The following C1orf21 variants were observed in gnomAD, a reference collection of about 807,000 sequenced individuals.
C1orf21 encodes the protein chromosome 1 open reading frame 21.
Under a neutral mutation model 18.7 loss-of-function variants are expected in C1orf21, and 3 were observed. The ratio of observed to expected loss-of-function variants is 0.16; its 90% CI spans 0.07 to 0.42. The LOEUF is 0.42. Ranked by LOEUF, C1orf21 falls within the 10% of genes least tolerant of loss-of-function variation. C1orf21 has a pLI of 0.99. For synonymous variants in C1orf21, 41 were observed against 46.4 expected, an observed-to-expected ratio of 0.88 and a Z score of 0.47; for missense variants, 104 against 143.6, an observed-to-expected ratio of 0.72 and a Z score of 1.41.
At chr1:184,491,477 A>G (rs529013092) in intron 2 of C1orf21, among the ~76,000 whole-genome samples, 1 of 151,958 alleles carries the variant, frequency 6.6e-6, no homozygotes, top group South Asian at 2.1e-4. Context: ...AGCCTCCTAA[A>G]TAGCTGGGAC....
chr1:184,578,013 G>A (rs2101993118), intron 3 of C1orf21, among the ~76,000 whole-genome samples: 1 of 146,316 alleles, frequency 6.8e-6, no homozygotes, highest in African/African-American at 2.6e-5. Context: ...GAGTGCAGTG[G>A]CGCCGCCATC....
intron 1 of C1orf21, among the ~76,000 whole-genome samples, chr1:184,447,977 C>T (rs2101978078): frequency 6.6e-6 from 1 of 152,322 alleles, no homozygotes; most frequent in South Asian, 2.1e-4. Flanking sequence ...TGTCAAGTCT[C>T]CTAGACTTTG....
intron 5 of C1orf21, 57 bp from the exon 6 acceptor site, chr1:184,619,461 T>C (rs1558016766): frequency 1.3e-6 from 2 of 1,568,222 alleles, no homozygotes; most frequent in Non-Finnish European, 1.8e-6. Context: ...AAGTAACTAT[T>C]TCAGGCTCTG....
At chr1:184,454,587 T>C (rs1657170140) in intron 1 of C1orf21, among the ~76,000 whole-genome samples, 1 of 152,138 alleles carries the variant, frequency 6.6e-6, no homozygotes, top group African/African-American at 2.4e-5. Flanking sequence ...CCATGAATGT[T>C]TTAGCACCAT....
At chr1:184,504,435 C>T (rs1414852561) in intron 2 of C1orf21, among the ~76,000 whole-genome samples, 2 of 152,112 alleles carry the variant, frequency 1.3e-5, no homozygotes, top group Admixed American at 6.5e-5. Flanking sequence ...AAATTAATCC[C>T]CCATGTCTTC....
intron 1 of C1orf21, among the ~76,000 whole-genome samples, chr1:184,398,322 C>T (rs1164094522): frequency 6.6e-6 from 1 of 152,206 alleles, no homozygotes; most frequent in Non-Finnish European, 1.5e-5. Context: ...GACTAAGCCT[C>T]AGTGTGTTTA....
At chr1:184,409,105 C>T (rs12088034) in intron 1 of C1orf21, among the ~76,000 whole-genome samples, 41,037 of 151,910 alleles carry the variant, frequency 0.27, 8,002 homozygotes, top group African/African-American at 0.56. Flanking sequence ...CTTTCTTTCT[C>T]AGTTTTCAAA....
chr1:184,418,943 T>C (rs1251636710), intron 1 of C1orf21, among the ~76,000 whole-genome samples: 1 of 152,222 alleles, frequency 6.6e-6, no homozygotes, highest in Non-Finnish European at 1.5e-5. Context: ...AAAGTACAGC[T>C]TCTTTTTTGT....
At chr1:184,429,520 G>T (rs1656701283) in intron 1 of C1orf21, among the ~76,000 whole-genome samples, 1 of 152,142 alleles carries the variant, frequency 6.6e-6, no homozygotes, top group Non-Finnish European at 1.5e-5. Context: ...TGGACACTGT[G>T]GATGTTATGT....
rs905389720 is a variant in C1orf21, at chr1:184,623,339, T to A, written c.*3783T>A. On this transcript the variant is annotated 3_prime_UTR_variant, in exon 6 of 6. Transcript: ENST00000235307. The stretch of plus-strand genomic sequence containing the variant: ...AAAATAATTGGTATCTAAAGTTCTC[T>A]CCTTCCTGCCTCCCCTAAAGAAAAA... 1 of 152,150 alleles carries A rather than the reference T, an allele frequency of 6.6e-6. No homozygotes were observed. Among genetic ancestry groups the A allele is most frequent in the Non-Finnish European group, 1.5e-5 (1 of 68,026 alleles). The allele number at this position is 152,150 out of a possible 1,614,324, so 9.4% of individuals were successfully genotyped here. A position where few individuals can be genotyped will look rare whatever the true frequency, so the allele number is the denominator to read the frequency against.
At chr1:184,465,593 T>C (rs1657381672) in intron 1 of C1orf21, among the ~76,000 whole-genome samples, 2 of 152,138 alleles carry the variant, frequency 1.3e-5, no homozygotes, top group Admixed American at 1.3e-4. Flanking sequence ...AGTGATGTAA[T>C]AGAGGTGATG....
intron 3 of C1orf21, among the ~76,000 whole-genome samples, chr1:184,576,460 C>T (rs941057990): frequency 6.6e-6 from 1 of 152,202 alleles, no homozygotes; most frequent in Admixed American, 6.5e-5. Context: ...CTAACTGCTA[C>T]AGAACAGACA....
rs1375526305 is a variant in C1orf21, at chr1:184,624,017, T to C, written c.*4461T>C. The C allele has an allele frequency of 6.5e-6, 1 of 152,676 alleles. No individual in the cohort carries two copies. The highest frequency in any genetic ancestry group is 1.5e-5 in the Non-Finnish European group (1 of 68,046). 9.5% of individuals were successfully genotyped at this position (152,676 alleles called of 1,614,324 possible). A position where few individuals can be genotyped will look rare whatever the true frequency, so the allele number is the denominator to read the frequency against. ...TTATAATTGTTTTGTGTCATCCTCA[T>C]GATAATCCTGTGAAGTAGATCTATT... On this transcript the variant is annotated 3_prime_UTR_variant, in exon 6 of 6. Coordinates refer to ENST00000235307, the MANE Select transcript of C1orf21 (RefSeq NM_030806.4).
intron 2 of C1orf21, among the ~76,000 whole-genome samples, chr1:184,504,514 G>T (rs577333854): frequency 6.6e-6 from 1 of 152,156 alleles, no homozygotes; most frequent in South Asian, 2.1e-4. Flanking sequence ...TCATTCATTC[G>T]CTCAGAGGCT....
At chr1:184,488,937 C>G (rs1657773269) in intron 2 of C1orf21, among the ~76,000 whole-genome samples, 1 of 152,108 alleles carries the variant, frequency 6.6e-6, no homozygotes, top group Non-Finnish European at 1.5e-5. Context: ...TGCACTCCAG[C>G]CTGGGCGACA....
At chr1:184,615,898 G>A (rs1300905106) in intron 5 of C1orf21, among the ~76,000 whole-genome samples, 1 of 152,132 alleles carries the variant, frequency 6.6e-6, no homozygotes, top group East Asian at 1.9e-4. Context: ...AGGGTACTTA[G>A]TATATGTATC....
At chr1:184,614,808 C>T (rs1409415573) in intron 5 of C1orf21, among the ~76,000 whole-genome samples, 1 of 152,192 alleles carries the variant, frequency 6.6e-6, no homozygotes, top group Non-Finnish European at 1.5e-5. Flanking sequence ...GCACGGTTCA[C>T]AGTAGTGTTC....
rs572840250 is a variant in C1orf21, at chr1:184,504,669, CT to C, written c.95-2916del. Among the ~76,000 whole-genome samples, 490 of 152,252 alleles carry C rather than the reference CT, an allele frequency of 3.2e-3. 2 individuals carry two copies. Among genetic ancestry groups the C allele is most frequent in the Admixed American group, 6.7e-3 (103 of 15,300 alleles). On this transcript the variant is annotated intron_variant, in intron 2 of 5. Coordinates refer to ENST00000235307, the MANE Select transcript of C1orf21 (RefSeq NM_030806.4). ...GTGACAGACCATTTTTAAATATTTG[CT>C]TTGTACAAATTGTGGCCTATTGAAG... is the stretch of plus-strand genomic sequence containing the variant.
At chr1:184,535,302 T>C in intron 3 of C1orf21, among the ~76,000 whole-genome samples, 1 of 152,202 alleles carries the variant, frequency 6.6e-6, no homozygotes, top group East Asian at 1.9e-4. Flanking sequence ...AGTTGTCCTG[T>C]GATGTTGTGA....
Sources: gnomAD v4.1 joint callset for allele counts (sites outside exome capture counted in the v4.1 genomes callset) on GRCh38, gnomAD v4.1.1 for gene constraint, MANE v1.5 for transcripts, NCBI Gene and HGNC (gene_info 2026-07-23, HGNC 2026-07-21) for gene names.